ATF6B: variants seen among roughly 807,000 people sequenced by gnomAD.
ATF6B encodes the protein activating transcription factor 6 beta.
In ATF6B, 50 loss-of-function variants were observed where a neutral mutation model predicts 83.5. That is an observed-to-expected ratio of 0.60 (90% CI 0.48 to 0.76). The LOEUF (loss-of-function observed/expected upper bound fraction) is 0.76, where lower values mean the gene tolerates loss of function less well. Among genes scored for constraint, ATF6B ranks in the 30% least tolerant of loss-of-function variants. The probability of loss-of-function intolerance (pLI) is 0.00; values close to 1 mark genes in which losing one functional copy is unlikely to be tolerated. For missense variants in ATF6B, 790 were observed against 893.8 expected (o/e 0.88, Z 1.48); for synonymous variants, 344 against 362.8 (o/e 0.95, Z 0.59).
rs1582517213 is a variant in ATF6B, at chr6:32,116,403, T to C, written c.1882+77A>G. 7.1e-7 allele frequency: 1 copy of C among 1,414,578 alleles called. No individual in the cohort carries two copies. The highest frequency in any genetic ancestry group is 1.4e-5 in the African/African-American group (1 of 70,114). 87.6% of individuals were successfully genotyped at this position (1,414,578 alleles called of 1,614,324 possible). A position where few individuals can be genotyped will look rare whatever the true frequency, so the allele number is the denominator to read the frequency against. The stretch of plus-strand genomic sequence containing the variant: ...AGCAGCTCTCTGGATGCCCTGCTCC[T>C]CTCCCCCTTCCCCCTCAGCTCCCAG... On this transcript the variant is annotated intron_variant, in intron 17 of 17. Transcript: ENST00000375203. The surrounding 1 kb of genome is among the most constrained non-coding windows in gnomAD (Gnocchi z 5.1).
At chr6:32,126,551 T>C (rs1430634645) in intron 4 of ATF6B, among the ~76,000 whole-genome samples, 1 of 152,120 alleles carries the variant, frequency 6.6e-6, no homozygotes, top group Admixed American at 6.6e-5. Flanking sequence ...CAGCCCCACA[T>C]AACTCTTTAT....
Position 32,117,579 on chromosome 6 carries a change from T to C in ATF6B, c.1532+8A>G, listed in dbSNP as rs1186434132. 6.2e-7 allele frequency: 1 copy of C among 1,613,318 alleles called. No homozygotes were observed. The highest frequency in any genetic ancestry group is 1.7e-5 in the Admixed American group (1 of 59,934). ...GGGAGCTGGATGCCCCAGCAATGAA[T>C]CCCACACCTCAGGGACTCAGTGCGG... On this transcript the variant is annotated splice_region_variant and intron_variant, in intron 13 of 17. Coordinates refer to ENST00000375203, the MANE Select transcript of ATF6B (RefSeq NM_004381.5). The surrounding 1 kb of genome is among the most constrained non-coding windows in gnomAD (Gnocchi z 5.0).
chr6:32,121,461 G>A (rs1269097422), intron 5 of ATF6B, 113 bp from the exon 6 acceptor site: 2 of 1,020,788 alleles, frequency 2.0e-6, no homozygotes, highest in Non-Finnish European at 2.9e-6. Context: ...TCAGCACTTT[G>A]GGAGGCCAAG....
At position 32,116,385 on chromosome 6, in the gene ATF6B, C is replaced by T. The variant is rs987479160; in HGVS notation, c.1882+95G>A. On this transcript the variant is annotated intron_variant, in intron 17 of 17. Coordinates refer to ENST00000375203, the MANE Select transcript of ATF6B (RefSeq NM_004381.5). The surrounding 1 kb of genome is among the most constrained non-coding windows in gnomAD (Gnocchi z 5.1). ...CTTCTCACCTGTGGGTCCAGCAGCT[C>T]TCTGGATGCCCTGCTCCTCTCCCCC... 4 of 1,227,458 alleles carry T rather than the reference C, an allele frequency of 3.3e-6. No homozygotes were observed. In the African/African-American group the frequency reaches 6.1e-5, roughly 19 times the overall value. The allele number at this position is 1,227,458 out of a possible 1,614,324, so 76.0% of individuals were successfully genotyped here. A position where few individuals can be genotyped will look rare whatever the true frequency, so the allele number is the denominator to read the frequency against.
At chr6:32,127,809 A>C in intron 1 of ATF6B, 59 bp from the exon 2 acceptor site, 1 of 1,558,888 alleles carries the variant, frequency 6.4e-7, no homozygotes, top group Non-Finnish European at 8.8e-7. Context: ...CAGATCGCAC[A>C]CAAGCCCCCG....
chr6:32,126,028 A>T (rs1311118817), intron 5 of ATF6B, 89 bp downstream of exon 5: 5 of 1,511,244 alleles, frequency 3.3e-6, no homozygotes, highest in African/African-American at 1.5e-5. Flanking sequence ...TGCTGCCTGC[A>T]CTTCCCCTCC....
intron 5 of ATF6B, among the ~76,000 whole-genome samples, chr6:32,123,262 T>C (rs1321646340): frequency 6.7e-6 from 1 of 149,630 alleles, no homozygotes; most frequent in Non-Finnish European, 1.5e-5. Context: ...AAGGGAACTA[T>C]TTAACCATGA....
At position 32,119,288 on chromosome 6, in the gene ATF6B, C is replaced by G. The variant is rs1424992812; in HGVS notation, c.967-147G>C. ...ACCTACATAGCCAGAGAGGTTTTTC[C>G]TCTCTACTCAAACACGCTAGGGAAG... On this transcript the variant is annotated intron_variant, in intron 9 of 17. Transcript: ENST00000375203. This position sits in a 1 kb window ranked among gnomAD's most constrained non-coding sequence, Gnocchi z 4.9. 7 of 940,130 alleles carry G rather than the reference C, an allele frequency of 7.4e-6. 1 individual carries two copies. The South Asian group carries it at 1.3e-4, about 17-fold the overall frequency. 58.2% of individuals were successfully genotyped at this position (940,130 alleles called of 1,614,324 possible).
At chr6:32,121,385 T>A (rs780423384) in intron 5 of ATF6B, 37 bp from the exon 6 acceptor site, 3 of 1,578,504 alleles carry the variant, frequency 1.9e-6, no homozygotes, top group African/African-American at 2.7e-5. Flanking sequence ...CTGGATATCA[T>A]GTAAACACTG....
chr6:32,120,575 C>A (rs566759158), intron 8 of ATF6B, 196 bp downstream of exon 8: 9 of 547,706 alleles, frequency 1.6e-5, no homozygotes, highest in Non-Finnish European at 2.4e-5. Context: ...CTCAGCCTCC[C>A]GAGGAGCTGG....
rs753618773 is a variant in ATF6B, at chr6:32,115,953, C to T, written c.1898G>A (p.Arg633His). 2.4e-5 allele frequency: 39 copies of T among 1,613,192 alleles called. No individual in the cohort carries two copies. Among genetic ancestry groups the T allele is most frequent in the Admixed American group, 1.7e-4 (10 of 59,936 alleles). ...AMAPNETLSG[R>H]GAPGDYEEMM... ...CTCCTCATAGTCCCCCGGGGCCCCA[C>T]GGCCTGACAGGGTCTCTGTGAGAAG... Residue 633 changes from arginine to histidine, a missense_variant, in exon 18 of 18, where the codon CGT becomes CAT. By Grantham distance (29) the Arg-to-His change is conservative. This residue lies in a region of ATF6B where 530 missense variants were observed against 632.6 expected (regional missense o/e 0.84). Transcript: ENST00000375203.
Position 32,117,217 on chromosome 6 carries a change from A to G in ATF6B, c.1614+106T>C. ...CCCACTCAACCCTCCACTTCCTTCA[A>G]ACGATCCCTCAAACTTCCACAGCGA... On this transcript the variant is annotated intron_variant, in intron 14 of 17. Coordinates refer to ENST00000375203, the MANE Select transcript of ATF6B (RefSeq NM_004381.5). The surrounding 1 kb of genome is among the most constrained non-coding windows in gnomAD (Gnocchi z 5.0). The G allele has an allele frequency of 1.3e-6, 2 of 1,537,232 alleles. No individual in the cohort carries two copies. Among genetic ancestry groups the G allele is most frequent in the Non-Finnish European group, 1.8e-6 (2 of 1,124,950 alleles).
rs756288917 is a variant in ATF6B, at chr6:32,119,070, C to A, written c.1038G>T (p.Lys346Asn). The A allele has an allele frequency of 1.2e-6, 2 of 1,614,090 alleles. No homozygotes were observed. Among genetic ancestry groups the A allele is most frequent in the South Asian group, 2.2e-5 (2 of 91,066 alleles). Residue 346 changes from lysine to asparagine, a missense_variant, in exon 10 of 18, where the codon AAG (lysine) becomes AAT (asparagine). Lys to Asn is a moderately conservative substitution (Grantham distance 94, BLOSUM62 0). Around this residue, in one of 3 missense-constraint regions of ATF6B, gnomAD observed 530 missense variants for 632.6 expected, o/e 0.84. Coordinates refer to ENST00000375203, the MANE Select transcript of ATF6B (RefSeq NM_004381.5). The surrounding 1 kb of genome is among the most constrained non-coding windows in gnomAD (Gnocchi z 4.9). The part of the protein sequence containing the change: ...RESACQSRRK[K>N]KEYLQGLEAR... ...CCTCCAGTCCCTGCAGATACTCTTTCTTCTTTCTCCGGGACTGGCAGGCTG... is the reference window on the plus strand; with the variant it reads ...CCTCCAGTCCCTGCAGATACTCTTTATTCTTTCTCCGGGACTGGCAGGCTG...
In ATF6B at chr6:32,115,961, C is replaced by G. The variant is rs778905691; in HGVS notation, c.1890G>C (p.Leu630=). 5 of 1,613,004 alleles carry G rather than the reference C, an allele frequency of 3.1e-6. No individual in the cohort carries two copies. The East Asian group carries it at 1.1e-4, about 36-fold the overall frequency. The change falls in exon 18 of 18, where the codon CTG becomes CTC. Residue 630 remains leucine (L), a synonymous_variant. Transcript: ENST00000375203. The part of the protein sequence containing the change: ...VMPAMAPNET[L]SGRGAPGDYE... Reference sequence around the variant, plus strand: ...AGTCCCCCGGGGCCCCACGGCCTGACAGGGTCTCTGTGAGAAGGGGAGAGT... The same window carrying G: ...AGTCCCCCGGGGCCCCACGGCCTGAGAGGGTCTCTGTGAGAAGGGGAGAGT...
At position 32,116,519 on chromosome 6, in the gene ATF6B, G is replaced by A. The variant is rs949306393; in HGVS notation, c.1843C>T (p.Pro615Ser). Residue 615 changes from proline (P) to serine (S), a missense_variant, in exon 17 of 18, where the codon CCC (proline) becomes TCC (serine). By Grantham distance (74) the Pro-to-Ser change is moderately conservative (BLOSUM62 -1). This residue lies in a region of ATF6B where 530 missense variants were observed against 632.6 expected (regional missense o/e 0.84). Coordinates refer to ENST00000375203, the MANE Select transcript of ATF6B (RefSeq NM_004381.5). This position sits in a 1 kb window ranked among gnomAD's most constrained non-coding sequence, Gnocchi z 5.1. ...GCAGGCATCACCAGGGACATCTTGG[G>A]CCGGGAGGTCTTGTTGTGGCTGATG... ...PAISHNKTSR[P>S]KMSLVMPAMA... 6.2e-7 allele frequency: 1 copy of A among 1,606,060 alleles called. No individual in the cohort carries two copies. The highest frequency in any genetic ancestry group is 1.3e-5 in the African/African-American group (1 of 74,964).
chr6:32,116,922 G>A lies in ATF6B; in HGVS notation c.1686-107C>T, dbSNP rs1432587583. The A allele has an allele frequency of 2.6e-6, 4 of 1,518,564 alleles. No individual in the cohort carries two copies. Among genetic ancestry groups the A allele is most frequent in the African/African-American group, 1.4e-5 (1 of 72,730 alleles). The allele number at this position is 1,518,564 out of a possible 1,614,324, so 94.1% of individuals were successfully genotyped here. ...AAAAGACAGGAGACCCCCAGTGGAG[G>A]AGGGAGGTATAATCCCACTGGTGAC... On this transcript the variant is annotated intron_variant, in intron 15 of 17. Coordinates refer to ENST00000375203, the MANE Select transcript of ATF6B (RefSeq NM_004381.5). This position sits in a 1 kb window ranked among gnomAD's most constrained non-coding sequence, Gnocchi z 5.1.
In ATF6B at chr6:32,116,101, T is replaced by A; in HGVS notation, c.1883-133A>T. ...GGGCAATAGTGAGGAGGCAGATCCATAGCGGGAGTTAAACAGGATGGCAGG... is the reference window on the plus strand; with the variant it reads ...GGGCAATAGTGAGGAGGCAGATCCAAAGCGGGAGTTAAACAGGATGGCAGG... On this transcript the variant is annotated intron_variant, in intron 17 of 17. Coordinates refer to ENST00000375203, the MANE Select transcript of ATF6B (RefSeq NM_004381.5). This position sits in a 1 kb window ranked among gnomAD's most constrained non-coding sequence, Gnocchi z 5.1. The A allele has an allele frequency of 3.0e-6, 2 of 671,972 alleles. No homozygotes were observed. The highest frequency in any genetic ancestry group is 1.9e-5 in the South Asian group (1 of 52,250). 41.6% of individuals were successfully genotyped at this position (671,972 alleles called of 1,614,324 possible).
Position 32,127,674 on chromosome 6 carries a change from G to T in ATF6B, c.168C>A (p.Val56=), listed in dbSNP as rs747978021. Residue 56 remains valine, a synonymous_variant, in exon 2 of 18, where the codon GTC becomes GTA. Coordinates refer to ENST00000375203, the MANE Select transcript of ATF6B (RefSeq NM_004381.5). ...AGAAAGGCTGGGGACACAATACCGG[G>T]ACATCCTGCTCCGGGCAACGGAAGA... is the stretch of plus-strand genomic sequence containing the variant. ...TQLFRCPEQD[V]PFDGSSLDVG... The T allele has an allele frequency of 6.2e-7, 1 of 1,614,200 alleles. No homozygotes were observed. The highest frequency in any genetic ancestry group is 1.1e-5 in the South Asian group (1 of 91,084).
chr6:32,119,549 G>C lies in ATF6B; in HGVS notation c.966+275C>G, dbSNP rs1199839662. ...CTATGGCCATGACCGTAGTCGTATA[G>C]TACAGTACGACTTCCTTGCCTTTAA... On this transcript the variant is annotated intron_variant, in intron 9 of 17. Coordinates refer to ENST00000375203, the MANE Select transcript of ATF6B (RefSeq NM_004381.5). The surrounding 1 kb of genome is among the most constrained non-coding windows in gnomAD (Gnocchi z 4.9). 6.6e-6 allele frequency among the ~76,000 whole-genome samples: 1 copy of C among 152,098 alleles called. No individual in the cohort carries two copies. Among genetic ancestry groups the C allele is most frequent in the African/African-American group, 2.4e-5 (1 of 41,404 alleles).
Sources: gnomAD v4.1 joint callset for allele counts (sites outside exome capture counted in the v4.1 genomes callset) on GRCh38, gnomAD v4.1.1 for gene constraint, gnomAD v4.1.1 regional missense constraint, Gnocchi (gnomAD v3.1) non-coding constraint, MANE v1.5 for transcripts, NCBI Gene and HGNC (gene_info 2026-07-23, HGNC 2026-07-21) for gene names.